The following TRPV1 variants were observed in gnomAD, a reference collection of about 807,000 sequenced individuals.
The protein encoded by TRPV1 is OTRPC1.
TRPV1 carries 82 observed loss-of-function variants against 82.3 expected under a neutral mutation model. The observed-to-expected ratio is 1.00, with a 90% CI of 0.83 to 1.20. TRPV1 has a LOEUF of 1.20. Ranked by LOEUF, TRPV1 falls within the 50% of genes most tolerant of loss-of-function variation. The pLI is 0.00. For missense variants in TRPV1, 1,067 were observed against 1,096.8 expected, an observed-to-expected ratio of 0.97 and a Z score of 0.38; for synonymous variants, 515 against 467.7, an observed-to-expected ratio of 1.10 and a Z score of -1.30.
At chr17:3,593,863 G>A (rs951902286) in intron 2 of TRPV1, among the ~76,000 whole-genome samples, 2 of 152,124 alleles carry the variant, frequency 1.3e-5, no homozygotes, top group Non-Finnish European at 2.9e-5. Context: ...CGTGGCTCAC[G>A]CCTGTAATCC....
intron 16 of TRPV1, among the ~76,000 whole-genome samples, chr17:3,571,154 C>T (rs571627488): frequency 8.5e-5 from 13 of 152,326 alleles, no homozygotes; most frequent in Admixed American, 2.6e-4. Flanking sequence ...AGAGCTAGGA[C>T]GTCGCATGCA....
intron 10 of TRPV1, among the ~76,000 whole-genome samples, chr17:3,582,027 A>AAAC (rs1162763312): frequency 4.1e-5 from 6 of 146,922 alleles, no homozygotes; most frequent in East Asian, 2.0e-4. Context: ...CGTCTCTACT[A>AAAC]AAAATACAAA....
rs200431124 is a variant in TRPV1, at chr17:3,585,897, C to T, written c.1254G>A (p.Pro418=). 3.9e-5 allele frequency: 63 copies of T among 1,613,540 alleles called. No homozygotes were observed. Among genetic ancestry groups the T allele is most frequent in the Middle Eastern group, 1.6e-4 (1 of 6,082 alleles). ...ACTTGTCCTGCAGGAGTCGGTTCAGCGGCTCCACCAAGAGCATGTCGTGGC... is the reference window on the plus strand; with the variant it reads ...ACTTGTCCTGCAGGAGTCGGTTCAGTGGCTCCACCAAGAGCATGTCGTGGC... ...PNRHDMLLVE[P]LNRLLQDKWD... Residue 418 remains proline (P), a synonymous_variant, in exon 9 of 17, where the codon CCG becomes CCA. Coordinates refer to ENST00000572705, the MANE Select transcript of TRPV1 (RefSeq NM_080704.4).
chr17:3,575,201 C>T (rs141223305), intron 13 of TRPV1, among the ~76,000 whole-genome samples: 1 of 151,818 alleles, frequency 6.6e-6, no homozygotes, highest in East Asian at 2.0e-4. Context: ...AGATCATCTT[C>T]TCTGGGTGTG....
chr17:3,577,310 C>T, intron 12 of TRPV1, 118 bp from the exon 13 acceptor site: 1 of 1,155,028 alleles, frequency 8.7e-7, no homozygotes, highest in African/African-American at 1.5e-5. Flanking sequence ...GTTTGCTTTG[C>T]TGGTTCTCAG....
chr17:3,602,931 G>C (rs558561743), intron 2 of TRPV1, among the ~76,000 whole-genome samples: 1 of 152,094 alleles, frequency 6.6e-6, no homozygotes, highest in Admixed American at 6.6e-5. Context: ...AGACCAGCCT[G>C]GCCAACATGG....
At chr17:3,605,819 G>C (rs1251618332) in intron 2 of TRPV1, among the ~76,000 whole-genome samples, 1 of 152,124 alleles carries the variant, frequency 6.6e-6, no homozygotes, top group Non-Finnish European at 1.5e-5. Context: ...GCTACTACTG[G>C]GCGCTCAGAA....
chr17:3,575,047 C>G lies in TRPV1; in HGVS notation c.1781-1092G>C, dbSNP rs562471260. 9.2e-5 allele frequency among the ~76,000 whole-genome samples: 14 copies of G among 152,036 alleles called. No individual in the cohort carries two copies. The South Asian group carries it at 1.9e-3, about 20-fold the overall frequency. ...AAAGAGGATAGTAAGGATTATAACCCATTTAACAAAGTGAGAATCCATGAA... is the reference window on the plus strand; with the variant it reads ...AAAGAGGATAGTAAGGATTATAACCGATTTAACAAAGTGAGAATCCATGAA... On this transcript the variant is annotated intron_variant, in intron 13 of 16. Coordinates refer to ENST00000572705, the MANE Select transcript of TRPV1 (RefSeq NM_080704.4).
At chr17:3,584,262 TCAAAAAA>T (rs767738139) in intron 9 of TRPV1, among the ~76,000 whole-genome samples, 33 of 149,070 alleles carry the variant, frequency 2.2e-4, no homozygotes, top group South Asian at 1.7e-3. Context: ...AGACTCTGTC[TCAAAAAA>T]CAAAAAACAA....
chr17:3,573,154 G>A (rs2074881160), intron 14 of TRPV1, among the ~76,000 whole-genome samples: 1 of 152,180 alleles, frequency 6.6e-6, no homozygotes, highest in African/African-American at 2.4e-5. Flanking sequence ...GGATGCAGAT[G>A]TGGCCCACGG....
At chr17:3,587,575 T>A (rs1010751402) in intron 8 of TRPV1, among the ~76,000 whole-genome samples, 3 of 152,212 alleles carry the variant, frequency 2.0e-5, no homozygotes, top group African/African-American at 4.8e-5. Flanking sequence ...TCCCAGCACT[T>A]TGGGAAGCCA....
intron 1 of TRPV1, chr17:3,608,831 GCA>G (rs1378005853): frequency 6.6e-6 from 1 of 152,156 alleles, no homozygotes; most frequent in Non-Finnish European, 1.5e-5. Context: ...CTGTGCCATT[GCA>G]CAGTCTTCCC....
At chr17:3,573,502 G>T in intron 14 of TRPV1, 131 bp downstream of exon 14, 1 of 966,696 alleles carries the variant, frequency 1.0e-6, no homozygotes, top group Non-Finnish European at 1.5e-6. Context: ...GCAGCGGATA[G>T]AGAGGCCCAT....
chr17:3,568,130 G>T (rs1293622775), intron 16 of TRPV1, among the ~76,000 whole-genome samples: 1 of 152,096 alleles, frequency 6.6e-6, no homozygotes, highest in Non-Finnish European at 1.5e-5. Context: ...AGACCATCCT[G>T]GCTAACATGG....
At chr17:3,568,141 T>G (rs1597507107) in intron 16 of TRPV1, among the ~76,000 whole-genome samples, 1 of 151,788 alleles carries the variant, frequency 6.6e-6, no homozygotes, top group African/African-American at 2.4e-5. Flanking sequence ...GCTAACATGG[T>G]GAAACCCCGT....
At chr17:3,607,608 C>T (rs1381985964) in intron 2 of TRPV1, among the ~76,000 whole-genome samples, 1 of 150,304 alleles carries the variant, frequency 6.7e-6, no homozygotes, top group Admixed American at 6.6e-5. Flanking sequence ...GCGATCTCAG[C>T]TCACTGCAAC....
intron 11 of TRPV1, among the ~76,000 whole-genome samples, chr17:3,580,102 AC>A (rs200143863): frequency 0.013 from 1,893 of 149,824 alleles, 33 homozygotes; most frequent in African/African-American, 0.039. Context: ...AGGTCGCACA[AC>A]CCCCCGTTAA....
rs998558306 is a variant in TRPV1 at position 3,573,250 on chromosome 17, C to T, written c.2103+383G>A. ...CTGGTGCCCACCTTACACCAGGCTCCTCTGAGGTGGACACCCTGTCGGGCT... is the reference window on the plus strand; with the variant it reads ...CTGGTGCCCACCTTACACCAGGCTCTTCTGAGGTGGACACCCTGTCGGGCT... On this transcript the variant is annotated intron_variant, in intron 14 of 16. Coordinates refer to ENST00000572705, the MANE Select transcript of TRPV1 (RefSeq NM_080704.4). Among the ~76,000 whole-genome samples, 3 of 152,260 alleles carry T rather than the reference C, an allele frequency of 2.0e-5. No homozygotes were observed. The South Asian group carries it at 6.2e-4, about 32-fold the overall frequency.
intron 9 of TRPV1, chr17:3,585,554 A>G: frequency 1.8e-6 from 1 of 570,944 alleles, no homozygotes; most frequent in Non-Finnish European, 3.1e-6. Flanking sequence ...GGAACTGAGA[A>G]GCGGGAAGGG....
Sources: allele counts gnomAD v4.1 joint callset (sites outside exome capture counted in the v4.1 genomes callset), GRCh38; gene constraint gnomAD v4.1.1; transcripts MANE v1.5; gene names NCBI Gene and HGNC (gene_info 2026-07-23, HGNC 2026-07-21).